NEB: variants seen among roughly 807,000 people sequenced by gnomAD.
NEB encodes nemaline myopathy type 2.
A neutral mutation model predicts 952.2 loss-of-function variants in NEB; 512 were observed. That is an observed-to-expected ratio of 0.54 (90% confidence interval 0.50 to 0.58). NEB has a LOEUF of 0.58. NEB is among the 20% of genes least tolerant of loss of function. NEB has a pLI of 0.00. For synonymous variants in NEB, 2,900 were observed against 3,149.8 expected, an observed-to-expected ratio of 0.92 and a Z score of 2.66; for missense variants, 8,428 against 9,231.1, an observed-to-expected ratio of 0.91 and a Z score of 3.56.
In NEB at chr2:151,610,767, T is replaced by C; in HGVS notation, c.11905A>G (p.Ser3969Gly). The C allele has an allele frequency of 6.2e-7, 1 of 1,608,232 alleles. No homozygotes were observed. The highest frequency in any genetic ancestry group is 8.5e-7 in the Non-Finnish European group (1 of 1,176,262). The part of the protein sequence containing the change: ...LLAKSNSANI[S>G]QKLYTKGWDE... Reference sequence around the variant, plus strand: ...ACAATCAGGAAATCTCTTACTTGGCTGATATTGGCAGAATTACTCTTGGCC... The same window carrying C: ...ACAATCAGGAAATCTCTTACTTGGCCGATATTGGCAGAATTACTCTTGGCC... Residue 3969 changes from serine to glycine, a missense_variant, in exon 79 of 182, where the codon AGC becomes GGC. This residue lies in a region of NEB where 337 missense variants were observed against 297.5 expected (regional missense o/e 1.13). Transcript: ENST00000397345.
intron 24 of NEB, among the ~76,000 whole-genome samples, chr2:151,688,755 TATAAC>T (rs1431208351): frequency 2.0e-5 from 3 of 152,156 alleles, no homozygotes; most frequent in Non-Finnish European, 4.4e-5. Context: ...ATAGAAAAAT[TATAAC>T]AAAACTGTAA....
chr2:151,604,039 T>C (rs1193936611), intron 85 of NEB, among the ~76,000 whole-genome samples: 5 of 132,600 alleles, frequency 3.8e-5, no homozygotes, highest in Non-Finnish European at 8.1e-5. Flanking sequence ...TTTGTATGCT[T>C]GGATTAGTTT....
At chr2:151,649,596 C>T (rs2099007018) in intron 54 of NEB, among the ~76,000 whole-genome samples, 1 of 152,096 alleles carries the variant, frequency 6.6e-6, no homozygotes, top group South Asian at 2.1e-4. Context: ...CCCTTCTTTG[C>T]ATATAATTAC....
chr2:151,610,120 A>G lies in NEB; in HGVS notation c.12019T>C (p.Tyr4007His), dbSNP rs1354488609. The change falls in exon 81 of 182, where the codon TAC becomes CAC. Residue 4007 changes from tyrosine to histidine, a missense_variant and splice_region_variant. Coordinates refer to ENST00000397345, the MANE Select transcript of NEB (RefSeq NM_001164508.2). ...TTCTCATAGGCTTCCTTGTATTTGT[A>G]CTAAAATGCCAGAAATACAGGTGGA... ...AKASRDIASD[Y>H]KYKEAYEKQK... 3 of 1,602,424 alleles carry G rather than the reference A, an allele frequency of 1.9e-6. No homozygotes were observed. Among genetic ancestry groups the G allele is most frequent in the Non-Finnish European group, 2.6e-6 (3 of 1,173,870 alleles).
At chr2:151,571,658 G>C (rs1578069584) in intron 107 of NEB, among the ~76,000 whole-genome samples, 1 of 152,168 alleles carries the variant, frequency 6.6e-6, no homozygotes, top group East Asian at 1.9e-4. Flanking sequence ...GTAAAGAGAA[G>C]TTAACTAAAG....
intron 49 of NEB, 57 bp downstream of exon 49, chr2:151,656,096 T>C: frequency 6.3e-7 from 1 of 1,579,894 alleles, no homozygotes; most frequent in Non-Finnish European, 8.6e-7. Context: ...AAACAGACTG[T>C]GATCTCCCTT....
At chr2:151,632,206 T>C (rs946816474) in intron 65 of NEB, among the ~76,000 whole-genome samples, 1 of 151,948 alleles carries the variant, frequency 6.6e-6, no homozygotes, top group African/African-American at 2.4e-5. Context: ...TAGATATTCA[T>C]AACTGCTTCA....
At chr2:151,576,963 C>T (rs528036824) in intron 105 of NEB, among the ~76,000 whole-genome samples, 1 of 152,176 alleles carries the variant, frequency 6.6e-6, no homozygotes, top group East Asian at 1.9e-4. Context: ...TGGTAGTGCC[C>T]ATGTGCATTC....
Position 151,553,291 on chromosome 2 carries a change from C to G in NEB, c.19731+107G>C, listed in dbSNP as rs2095443545. ...TAGCAACTTTCTCCAGCTCAGCCAC[C>G]CCCCAGAGCTGGCCTGTGACAATGT... On this transcript the variant is annotated intron_variant, in intron 127 of 181. Coordinates refer to ENST00000397345, the MANE Select transcript of NEB (RefSeq NM_001164508.2). 5.5e-6 allele frequency: 5 copies of G among 900,946 alleles called. No individual in the cohort carries two copies. In the African/African-American group the frequency reaches 6.6e-5, roughly 12 times the overall value. 55.8% of individuals were successfully genotyped at this position (900,946 alleles called of 1,614,324 possible). A position where few individuals can be genotyped will look rare whatever the true frequency, so the allele number is the denominator to read the frequency against.
intron 62 of NEB, 131 bp from the exon 63 acceptor site, chr2:151,639,515 C>A: frequency 3.1e-6 from 2 of 642,006 alleles, no homozygotes; most frequent in Non-Finnish European, 5.0e-6. Flanking sequence ...GTGTTTTATG[C>A]ACATCTTCGG....
At chr2:151,707,336 G>C (rs1559485150) in intron 12 of NEB, among the ~76,000 whole-genome samples, 1 of 152,182 alleles carries the variant, frequency 6.6e-6, no homozygotes, top group Admixed American at 6.5e-5. Flanking sequence ...AATCCAAATA[G>C]TGATCATGCA....
In NEB at chr2:151,567,494, A is replaced by G; in HGVS notation, c.17845-15T>C. On this transcript the variant is annotated splice_polypyrimidine_tract_variant and intron_variant, in intron 113 of 181. Transcript: ENST00000397345. ...TTGTATTTCAGCTGGCGAGAAGAGG[A>G]ATATAAATTCCATCAGTTTTGACAA... The G allele has an allele frequency of 6.3e-7, 1 of 1,586,684 alleles. No individual in the cohort carries two copies. The highest frequency in any genetic ancestry group is 1.1e-5 in the South Asian group (1 of 87,562).
Position 151,498,930 on chromosome 2 carries a change from T to TAGAG in NEB, c.24114+364_24114+367dup, listed in dbSNP as rs1171923744. On this transcript the variant is annotated intron_variant, in intron 169 of 181. Transcript: ENST00000397345. ...TTCAAAATATCTGTACAAATAACAGTAGAGATAGAAAAGGTTAGAATAAGA... is the reference window on the plus strand; with the variant it reads ...TTCAAAATATCTGTACAAATAACAGTAGAGAGAGATAGAAAAGGTTAGAATAAGA... Among the ~76,000 whole-genome samples, 3 of 150,974 alleles carry TAGAG rather than the reference T, an allele frequency of 2.0e-5. No individual in the cohort carries two copies. In the East Asian group the frequency reaches 5.9e-4, roughly 29 times the overall value.
At chr2:151,618,191 TC>T (rs2098268540) in intron 74 of NEB, 83 bp downstream of exon 74, 1 of 1,234,248 alleles carries the variant, frequency 8.1e-7, no homozygotes, top group Admixed American at 1.8e-5. Context: ...CTTATTATTA[TC>T]TTTAAAATGC....
chr2:151,662,433 T>C, intron 45 of NEB, 92 bp from the exon 46 acceptor site: 1 of 1,139,798 alleles, frequency 8.8e-7, no homozygotes, highest in Non-Finnish European at 1.2e-6. Context: ...TTCCATTTCA[T>C]TTGTAAATTT....
rs963527026 is a variant in NEB at position 151,507,819 on chromosome 2, T to C, written c.23451+186A>G. 5.2e-6 allele frequency: 3 copies of C among 573,456 alleles called. No homozygotes were observed. In the African/African-American group the frequency reaches 5.6e-5, roughly 11 times the overall value. The allele number at this position is 573,456 out of a possible 1,614,324, so 35.5% of individuals were successfully genotyped here. A position where few individuals can be genotyped will look rare whatever the true frequency, so the allele number is the denominator to read the frequency against. On this transcript the variant is annotated intron_variant, in intron 162 of 181. Transcript: ENST00000397345. ...AACGAAGTAACAGATGAGTCTTTCA[T>C]GCTGTGATTTGGGATTAAGATACAA... is the stretch of plus-strand genomic sequence containing the variant.
chr2:151,716,923 TA>T (rs1377122361), intron 10 of NEB, among the ~76,000 whole-genome samples: 3 of 152,356 alleles, frequency 2.0e-5, no homozygotes, highest in Admixed American at 1.3e-4. Flanking sequence ...GTTTACTGCC[TA>T]AATATAGGTA....
intron 107 of NEB, among the ~76,000 whole-genome samples, chr2:151,574,425 G>A (rs754046288): frequency 2.0e-5 from 3 of 152,174 alleles, no homozygotes; most frequent in Non-Finnish European, 4.4e-5. Context: ...GGATGAGTTG[G>A]CCTTTGATTT....
chr2:151,705,495 C>T (rs901488632), intron 13 of NEB, among the ~76,000 whole-genome samples: 3 of 152,036 alleles, frequency 2.0e-5, no homozygotes, highest in African/African-American at 7.3e-5. Flanking sequence ...ATTAGCACAG[C>T]CACCATGGAA....
Sources: allele counts gnomAD v4.1 joint callset (sites outside exome capture counted in the v4.1 genomes callset), GRCh38; gene constraint gnomAD v4.1.1; regional missense constraint gnomAD v4.1.1; transcripts MANE v1.5; gene names NCBI Gene and HGNC (gene_info 2026-07-23, HGNC 2026-07-21).